Variants in TMEM163 observed in about 807,000 individuals in gnomAD.
TMEM163 encodes transmembrane protein 163.
Under a neutral mutation model 29.3 loss-of-function variants are expected in TMEM163, and 17 were observed. The observed-to-expected ratio is 0.58, with a 90% CI of 0.40 to 0.87. The LOEUF (loss-of-function observed/expected upper bound fraction) is 0.87. Ranked by LOEUF, TMEM163 falls within the 40% of genes least tolerant of loss-of-function variation. The pLI is 0.00. For synonymous variants in TMEM163, 157 were observed against 160.6 expected (o/e 0.98, Z 0.17); for missense variants, 303 against 381.5 (o/e 0.79, Z 1.71).
At chr2:134,643,983 T>C (rs1286889864) in intron 2 of TMEM163, among the ~76,000 whole-genome samples, 4 of 152,018 alleles carry the variant, frequency 2.6e-5, no homozygotes, top group Non-Finnish European at 4.4e-5. Context: ...ACATTGACAA[T>C]GTATAATTGG....
intron 4 of TMEM163, among the ~76,000 whole-genome samples, chr2:134,540,225 T>C (rs913206843): frequency 4.6e-5 from 7 of 152,250 alleles, no homozygotes; most frequent in Admixed American, 6.5e-5. Context: ...TACGACTCCT[T>C]GATGGCAAAG....
Position 134,575,668 on chromosome 2 carries a change from T to TTA in TMEM163, c.323-23579_323-23578dup, listed in dbSNP as rs562964702. ...TAAGCAGCTATGAGGGTCCTTAGCTTTAGCTCCCTACCAAACCGGACCATA... is the reference window on the plus strand; with the variant it reads ...TAAGCAGCTATGAGGGTCCTTAGCTTTATAGCTCCCTACCAAACCGGACCATA... On this transcript the variant is annotated intron_variant, in intron 2 of 7. Transcript: ENST00000281924. Among the ~76,000 whole-genome samples, 4 of 152,250 alleles carry TTA rather than the reference T, an allele frequency of 2.6e-5. No individual in the cohort carries two copies. In the South Asian group the frequency reaches 8.3e-4, roughly 32 times the overall value.
chr2:134,596,589 A>G (rs1682088693), intron 2 of TMEM163, among the ~76,000 whole-genome samples: 2 of 152,312 alleles, frequency 1.3e-5, no homozygotes, highest in East Asian at 1.9e-4. Context: ...TTGACTTGGC[A>G]ATGCGAGCTC....
rs1015218529 is a variant in TMEM163, at chr2:134,569,399, G to A, written c.323-17308C>T. On this transcript the variant is annotated intron_variant, in intron 2 of 7. Transcript: ENST00000281924. Reference sequence around the variant, plus strand: ...ACCCCCACATCATTTCAATCAGAACGACTTCTTTATCATTTCCATTAGGAG... The same window carrying A: ...ACCCCCACATCATTTCAATCAGAACAACTTCTTTATCATTTCCATTAGGAG... Among the ~76,000 whole-genome samples, 17 of 152,136 alleles carry A rather than the reference G, an allele frequency of 1.1e-4. No individual in the cohort carries two copies. The East Asian group carries it at 1.5e-3, about 14-fold the overall frequency.
intron 2 of TMEM163, among the ~76,000 whole-genome samples, chr2:134,627,097 C>T (rs1682868987): frequency 6.6e-6 from 1 of 152,168 alleles, no homozygotes; most frequent in African/African-American, 2.4e-5. Flanking sequence ...ATTTGTATTT[C>T]TTTTCTTTCC....
intron 4 of TMEM163, among the ~76,000 whole-genome samples, chr2:134,549,103 TAA>T (rs35128948): frequency 1.1e-3 from 157 of 144,360 alleles, no homozygotes; most frequent in African/African-American, 2.7e-3. Flanking sequence ...CTTAATTTGT[TAA>T]AAAAAAAAAA....
intron 5 of TMEM163, among the ~76,000 whole-genome samples, chr2:134,497,313 T>A (rs1679591672): frequency 1.3e-5 from 2 of 152,220 alleles, no homozygotes. Context: ...AGATGAGCAA[T>A]CAAATGGTAG....
At chr2:134,667,172 C>T (rs1278098254) in intron 2 of TMEM163, among the ~76,000 whole-genome samples, 1 of 152,224 alleles carries the variant, frequency 6.6e-6, no homozygotes, top group Non-Finnish European at 1.5e-5. Context: ...ATAATCAAAA[C>T]CAACATTGTG....
intron 2 of TMEM163, among the ~76,000 whole-genome samples, chr2:134,712,648 G>T (rs1340967565): frequency 6.6e-6 from 1 of 152,094 alleles, no homozygotes; most frequent in Admixed American, 6.6e-5. Context: ...GGATTATCTG[G>T]CAGAAACTGT....
chr2:134,710,873 A>C (rs1684912101), intron 2 of TMEM163, among the ~76,000 whole-genome samples: 2 of 152,142 alleles, frequency 1.3e-5, no homozygotes, highest in South Asian at 4.1e-4. Flanking sequence ...AAAGCATCAT[A>C]TATAGTAATT....
intron 2 of TMEM163, among the ~76,000 whole-genome samples, chr2:134,601,479 C>A (rs1017967418): frequency 1.3e-5 from 2 of 152,234 alleles, no homozygotes; most frequent in African/African-American, 4.8e-5. Flanking sequence ...GGAAACCAAC[C>A]CAACAGCCAG....
At chr2:134,496,791 CA>C (rs1259659205) in intron 5 of TMEM163, among the ~76,000 whole-genome samples, 1 of 151,926 alleles carries the variant, frequency 6.6e-6, no homozygotes, top group Admixed American at 6.6e-5. Context: ...ACTTACAACA[CA>C]AAGTCATTTT....
chr2:134,630,482 T>C (rs1027094263), intron 2 of TMEM163, among the ~76,000 whole-genome samples: 2 of 152,154 alleles, frequency 1.3e-5, no homozygotes, highest in African/African-American at 2.4e-5. Context: ...GTGCAGAGAA[T>C]AAGACAAGCA....
At chr2:134,640,355 A>C (rs1683197348) in intron 2 of TMEM163, among the ~76,000 whole-genome samples, 1 of 152,156 alleles carries the variant, frequency 6.6e-6, no homozygotes, top group Admixed American at 6.5e-5. Flanking sequence ...TTACCCATCA[A>C]TCCCAAAAAA....
chr2:134,517,197 T>G (rs1321739117), intron 4 of TMEM163, among the ~76,000 whole-genome samples: 2 of 152,140 alleles, frequency 1.3e-5, no homozygotes, highest in African/African-American at 4.8e-5. Context: ...CCAAGTTCTG[T>G]GGACATGAAT....
At chr2:134,683,164 G>A (rs1389809201) in intron 2 of TMEM163, among the ~76,000 whole-genome samples, 1 of 152,178 alleles carries the variant, frequency 6.6e-6, no homozygotes. Context: ...ATACTATAAT[G>A]GTGGATACAT....
At chr2:134,494,107 C>G (rs1212411510) in intron 5 of TMEM163, among the ~76,000 whole-genome samples, 1 of 152,202 alleles carries the variant, frequency 6.6e-6, no homozygotes, top group Non-Finnish European at 1.5e-5. Context: ...CCGCCACACA[C>G]ACATTCTCTC....
In TMEM163 at chr2:134,495,326, G is replaced by A. The variant is rs867462761; in HGVS notation, c.555+7575C>T. Among the ~76,000 whole-genome samples, 19 of 152,304 alleles carry A rather than the reference G, an allele frequency of 1.2e-4. 1 individual carries two copies. Among genetic ancestry groups the A allele is most frequent in the African/African-American group, 2.2e-4 (9 of 41,554 alleles). The stretch of plus-strand genomic sequence containing the variant: ...CACTCCAGCCTGGGTGGAGGGGAGC[G>A]GCCCTGAGTGGGAGGGAAGGATGAG... On this transcript the variant is annotated intron_variant, in intron 5 of 7. Coordinates refer to ENST00000281924, the MANE Select transcript of TMEM163 (RefSeq NM_030923.5).
rs1003426444 is a variant in TMEM163, at chr2:134,648,011, T to C, written c.322+65189A>G. Among the ~76,000 whole-genome samples the C allele has an allele frequency of 2.0e-4, 31 of 152,266 alleles. 1 individual carries two copies. Among genetic ancestry groups the C allele is most frequent in the Non-Finnish European group, 5.9e-5 (4 of 68,020 alleles). ...TAAGTGTTAACAGCTCAGTGGAGGG[T>C]CAGCGTGACAGCCTTTTGCACCTGC... On this transcript the variant is annotated intron_variant, in intron 2 of 7. Coordinates refer to ENST00000281924, the MANE Select transcript of TMEM163 (RefSeq NM_030923.5).
Sources: allele counts gnomAD v4.1 joint callset (sites outside exome capture counted in the v4.1 genomes callset), GRCh38; gene constraint gnomAD v4.1.1; transcripts MANE v1.5; gene names NCBI Gene and HGNC (gene_info 2026-07-23, HGNC 2026-07-21).